TMC1: variants seen among roughly 807,000 people sequenced by gnomAD.
TMC1 encodes the protein transmembrane channel like 1.
TMC1 carries 84 observed loss-of-function variants against 105.8 expected under a neutral mutation model. The ratio of observed to expected loss-of-function variants is 0.79; its 90% CI spans 0.67 to 0.95. TMC1 has a LOEUF of 0.95. Among genes scored for constraint, TMC1 ranks in the 40% least tolerant of loss-of-function variants. The pLI, the probability that TMC1 is intolerant of heterozygous loss-of-function variation, is 0.00. For synonymous variants in TMC1, 315 were observed against 311.5 expected, an observed-to-expected ratio of 1.01 and a Z score of -0.12; for missense variants, 817 against 914.1, an observed-to-expected ratio of 0.89 and a Z score of 1.37.
intron 10 of TMC1, among the ~76,000 whole-genome samples, chr9:72,749,885 G>T (rs1360381100): frequency 1.3e-5 from 2 of 152,070 alleles, no homozygotes; most frequent in East Asian, 3.9e-4. Flanking sequence ...GAGGCGGGTG[G>T]ATCACGAGGT....
At chr9:72,821,756 C>T (rs1375220320) in intron 20 of TMC1, among the ~76,000 whole-genome samples, 3 of 152,182 alleles carry the variant, frequency 2.0e-5, no homozygotes, top group Admixed American at 2.0e-4. Flanking sequence ...TGGGCCGTCA[C>T]ATCCAGACGT....
chr9:72,700,767 C>T lies in TMC1; in HGVS notation c.362+124C>T, dbSNP rs1041642772. The T allele has an allele frequency of 2.4e-3, 669 of 284,256 alleles. 12 individuals carry two copies. Among genetic ancestry groups the T allele is most frequent in the African/African-American group, 0.015 (621 of 40,128 alleles). The allele number at this position is 284,256 out of a possible 1,614,324, so 17.6% of individuals were successfully genotyped here. A position where few individuals can be genotyped will look rare whatever the true frequency, so the allele number is the denominator to read the frequency against. ...ATACACACACACACACACATACACA[C>T]ACACACACACACATACACTGTATAT... On this transcript the variant is annotated intron_variant, in intron 8 of 23. Transcript: ENST00000297784.
intron 12 of TMC1, among the ~76,000 whole-genome samples, chr9:72,769,638 C>G (rs147513059): frequency 5.9e-5 from 9 of 152,138 alleles, no homozygotes; most frequent in Non-Finnish European, 8.8e-5. Context: ...GTTGGAGATA[C>G]GATTACCCTA....
At chr9:72,634,691 C>T (rs1825504213) in intron 4 of TMC1, among the ~76,000 whole-genome samples, 2 of 152,220 alleles carry the variant, frequency 1.3e-5, no homozygotes, top group South Asian at 4.1e-4. Flanking sequence ...AGGTTTTCAC[C>T]TGTGCTTTAG....
At chr9:72,786,927 A>C (rs1344859800) in intron 13 of TMC1, among the ~76,000 whole-genome samples, 1 of 152,144 alleles carries the variant, frequency 6.6e-6, no homozygotes, top group Non-Finnish European at 1.5e-5. Context: ...ATGACAGTGC[A>C]AAAACTGGAT....
At chr9:72,763,937 T>A (rs1304831426) in intron 12 of TMC1, among the ~76,000 whole-genome samples, 1 of 152,054 alleles carries the variant, frequency 6.6e-6, no homozygotes, top group Admixed American at 6.6e-5. Context: ...TATGACTAGG[T>A]TAGAGACTAA....
At chr9:72,593,453 C>T (rs1023620230) in intron 2 of TMC1, among the ~76,000 whole-genome samples, 1 of 151,774 alleles carries the variant, frequency 6.6e-6, no homozygotes, top group African/African-American at 2.4e-5. Flanking sequence ...GGCTGGAGCG[C>T]AATGGCATGA....
intron 8 of TMC1, among the ~76,000 whole-genome samples, chr9:72,739,471 A>G (rs1827353152): frequency 6.6e-6 from 1 of 152,246 alleles, no homozygotes; most frequent in African/African-American, 2.4e-5. Flanking sequence ...TTTATTATGC[A>G]TACCAAAGAA....
At chr9:72,712,156 G>GT (rs1826847784) in intron 8 of TMC1, among the ~76,000 whole-genome samples, 3 of 152,304 alleles carry the variant, frequency 2.0e-5, no homozygotes, top group African/African-American at 7.2e-5. Flanking sequence ...GTACCATGCT[G>GT]TTTTTGCTAC....
In TMC1 at chr9:72,789,165, G is replaced by C. The variant is rs774756982; in HGVS notation, c.1072G>C (p.Val358Leu). Residue 358 changes from valine (V) to leucine (L), a missense_variant, in exon 15 of 24, where the codon GTC (valine) becomes CTC (leucine). Coordinates refer to ENST00000297784, the MANE Select transcript of TMC1 (RefSeq NM_138691.3). ...AAAAGCAGCCCAAGTAGAAGAAAAC[G>C]TCCACTTGATCAGATTCCTGAGGTT... The part of the protein sequence containing the change: ...EEKAAQVEEN[V>L]HLIRFLRFLA... 3 of 1,613,218 alleles carry C rather than the reference G, an allele frequency of 1.9e-6. No individual in the cohort carries two copies. Among genetic ancestry groups the C allele is most frequent in the Non-Finnish European group, 2.5e-6 (3 of 1,179,934 alleles).
intron 8 of TMC1, among the ~76,000 whole-genome samples, chr9:72,725,015 G>A (rs1007621247): frequency 6.6e-6 from 1 of 151,958 alleles, no homozygotes; most frequent in Non-Finnish European, 1.5e-5. Flanking sequence ...TCAGAGAAAT[G>A]TGTCCTTGCT....
At chr9:72,534,536 G>A (rs1823547220) in intron 1 of TMC1, among the ~76,000 whole-genome samples, 1 of 152,130 alleles carries the variant, frequency 6.6e-6, no homozygotes, top group Non-Finnish European at 1.5e-5. Flanking sequence ...TAACACACAT[G>A]TAGATTATAT....
chr9:72,696,415 T>A (rs896532805), intron 7 of TMC1, among the ~76,000 whole-genome samples: 1 of 152,208 alleles, frequency 6.6e-6, no homozygotes, highest in South Asian at 2.1e-4. Context: ...AGAAATTAGT[T>A]GTGATTATTG....
intron 5 of TMC1, among the ~76,000 whole-genome samples, chr9:72,684,441 C>T (rs1826342178): frequency 6.6e-6 from 1 of 152,192 alleles, no homozygotes; most frequent in African/African-American, 2.4e-5. Flanking sequence ...GACTTTCCTT[C>T]TACTTAAGAG....
At chr9:72,624,347 G>A (rs1466474925) in intron 3 of TMC1, among the ~76,000 whole-genome samples, 5 of 152,088 alleles carry the variant, frequency 3.3e-5, no homozygotes, top group Non-Finnish European at 5.9e-5. Context: ...GCAGTCGGGC[G>A]GTAGTGTGAG....
intron 1 of TMC1, among the ~76,000 whole-genome samples, chr9:72,574,738 A>G (rs574065240): frequency 1.3e-5 from 2 of 152,312 alleles, no homozygotes; most frequent in South Asian, 4.1e-4. Context: ...AAGAAGTAAG[A>G]TGCATGCAAG....
In TMC1 at chr9:72,836,087, C is replaced by T. The variant is rs1435368198; in HGVS notation, c.*114C>T. The T allele has an allele frequency of 8.1e-7, 1 of 1,241,872 alleles. No homozygotes were observed. The allele number at this position is 1,241,872 out of a possible 1,614,324, so 76.9% of individuals were successfully genotyped here. On this transcript the variant is annotated 3_prime_UTR_variant, in exon 24 of 24. Coordinates refer to ENST00000297784, the MANE Select transcript of TMC1 (RefSeq NM_138691.3). ...GGAACTGCTATTTTCCTGTTCTACC[C>T]TTGATGGATTTTCAAGGTCATGCTG... is the stretch of plus-strand genomic sequence containing the variant.
At chr9:72,679,801 C>T (rs959315179) in intron 5 of TMC1, among the ~76,000 whole-genome samples, 2 of 152,018 alleles carry the variant, frequency 1.3e-5, no homozygotes, top group African/African-American at 4.8e-5. Flanking sequence ...AGCTTTCAAT[C>T]TATAGTAATG....
chr9:72,657,835 A>C (rs970642823), intron 5 of TMC1, among the ~76,000 whole-genome samples: 1 of 152,228 alleles, frequency 6.6e-6, no homozygotes, highest in Admixed American at 6.5e-5. Context: ...GCTATGCAGA[A>C]GCCAAATCTC....
Sources: gnomAD v4.1 joint callset for allele counts (sites outside exome capture counted in the v4.1 genomes callset) on GRCh38, gnomAD v4.1.1 for gene constraint, MANE v1.5 for transcripts, NCBI Gene and HGNC (gene_info 2026-07-23, HGNC 2026-07-21) for gene names.